The following TACC1 variants were observed in gnomAD, a reference collection of about 807,000 sequenced individuals.
The protein encoded by TACC1 is transforming acidic coiled-coil-containing protein 1.
Under a neutral mutation model 84.4 loss-of-function variants are expected in TACC1, and 48 were observed. The ratio of observed to expected loss-of-function variants is 0.57; its 90% CI spans 0.45 to 0.72. TACC1 has a LOEUF of 0.72. TACC1 is among the 30% of genes least tolerant of loss of function. The pLI is 0.00. For missense variants in TACC1, 920 were observed against 973.0 expected, an observed-to-expected ratio of 0.95 and a Z score of 0.72; for synonymous variants, 372 against 376.3, an observed-to-expected ratio of 0.99 and a Z score of 0.13.
Position 38,836,030 on chromosome 8 carries a change from T to TC in TACC1, c.1714-126dup, listed in dbSNP as rs372800511. The TC allele has an allele frequency of 7.7e-4, 946 of 1,233,204 alleles. 7 individuals are homozygous for TC. The African/African-American group carries it at 0.011, about 14-fold the overall frequency. 76.4% of individuals were successfully genotyped at this position (1,233,204 alleles called of 1,614,324 possible). A position where few individuals can be genotyped will look rare whatever the true frequency, so the allele number is the denominator to read the frequency against. On this transcript the variant is annotated intron_variant, in intron 6 of 12. Coordinates refer to ENST00000317827, the MANE Select transcript of TACC1 (RefSeq NM_006283.3). ...AATTAGATTTGTTTTTTAAAAAGCT[T>TC]CCCCCCGCTGACTTTTCTTTAAACA... is the stretch of plus-strand genomic sequence containing the variant.
At chr8:38,779,292 T>C (rs995536548) in intron 3 of TACC1, among the ~76,000 whole-genome samples, 3 of 152,206 alleles carry the variant, frequency 2.0e-5, no homozygotes, top group Non-Finnish European at 1.5e-5. Context: ...TCTTTTTTTA[T>C]GGTACTTTGG....
At chr8:38,815,468 G>A (rs1825215045) in intron 2 of TACC1, among the ~76,000 whole-genome samples, 2 of 152,224 alleles carry the variant, frequency 1.3e-5, no homozygotes, top group South Asian at 4.1e-4. Flanking sequence ...TGCCCAGACT[G>A]GAGTGCAGTG....
chr8:38,790,812 C>CT (rs1272270986), intron 2 of TACC1, among the ~76,000 whole-genome samples: 6 of 152,190 alleles, frequency 3.9e-5, no homozygotes, highest in Non-Finnish European at 7.3e-5. Flanking sequence ...ATACCCTCAA[C>CT]TTGCCCTAGG....
At chr8:38,810,713 G>A (rs1823885120) in intron 2 of TACC1, among the ~76,000 whole-genome samples, 1 of 152,210 alleles carries the variant, frequency 6.6e-6, no homozygotes, top group South Asian at 2.1e-4. Flanking sequence ...TATTCAGTGT[G>A]AATTACGATG....
upstream of TACC1, among the ~76,000 whole-genome samples, chr8:38,786,897 G>T (rs2151974648): frequency 6.6e-6 from 1 of 152,122 alleles, no homozygotes; most frequent in East Asian, 1.9e-4. Context: ...AGTCACAGTG[G>T]CAAGATGAAA....
chr8:38,847,717 G>A (rs1832582477), intron 12 of TACC1, among the ~76,000 whole-genome samples: 1 of 152,208 alleles, frequency 6.6e-6, no homozygotes, highest in South Asian at 2.1e-4. Context: ...TCATGGACAA[G>A]TTTCAGAGGG....
At chr8:38,788,873 A>C in intron 2 of TACC1, 54 bp downstream of exon 2, 1 of 1,404,180 alleles carries the variant, frequency 7.1e-7, no homozygotes, top group Non-Finnish European at 9.8e-7. Context: ...GTTTTGAAAA[A>C]TATCAATGAA....
chr8:38,769,666 A>T (rs371915538), intron 3 of TACC1, among the ~76,000 whole-genome samples: 96 of 101,180 alleles, frequency 9.5e-4, no homozygotes, highest in African/African-American at 3.8e-3. Context: ...TGAGAGAGAG[A>T]CTGGGTATGG....
At chr8:38,821,171 C>G (rs879599999) in intron 3 of TACC1, among the ~76,000 whole-genome samples, 3 of 151,676 alleles carry the variant, frequency 2.0e-5, no homozygotes, top group Admixed American at 2.0e-4. Flanking sequence ...CGCCGCTGCT[C>G]TCCAGCCTGG....
chr8:38,771,802 C>A (rs953359386), intron 3 of TACC1, among the ~76,000 whole-genome samples: 1 of 152,166 alleles, frequency 6.6e-6, no homozygotes, highest in Non-Finnish European at 1.5e-5. Context: ...GTGGTGCAAT[C>A]ATAGCTCACT....
At chr8:38,786,053 T>C (rs1042880372), upstream of TACC1, 4 of 152,094 alleles carry the variant, frequency 2.6e-5, no homozygotes, top group African/African-American at 7.2e-5. Flanking sequence ...GAGGCAACGG[T>C]TAGTCTCTTG....
At position 38,815,008 on chromosome 8, in the gene TACC1, T is replaced by C. The variant is rs140428888; in HGVS notation, c.278-4514T>C. Among the ~76,000 whole-genome samples, 7 of 152,344 alleles carry C rather than the reference T, an allele frequency of 4.6e-5. No homozygotes were observed. In the East Asian group the frequency reaches 1.4e-3, roughly 29 times the overall value. Reference sequence around the variant, plus strand: ...AGTTCTTCCAGTATATCAGTTTGATTTATAGTAAAATGTAGTGTAAAATAG... The same window carrying C: ...AGTTCTTCCAGTATATCAGTTTGATCTATAGTAAAATGTAGTGTAAAATAG... On this transcript the variant is annotated intron_variant, in intron 2 of 12. Coordinates refer to ENST00000317827, the MANE Select transcript of TACC1 (RefSeq NM_006283.3).
chr8:38,736,702 C>CAGAGGGTGAGAG (rs1236005226), intron 1 of TACC1, among the ~76,000 whole-genome samples: 46 of 152,282 alleles, frequency 3.0e-4, no homozygotes, highest in African/African-American at 1.1e-3. Context: ...CAGCCTCTGG[C>CAGAGGGTGAGAG]AGAGGGTGAG....
At chr8:38,764,096 G>A (rs1047938623) in intron 3 of TACC1, among the ~76,000 whole-genome samples, 1 of 151,560 alleles carries the variant, frequency 6.6e-6, no homozygotes, top group Non-Finnish European at 1.5e-5. Context: ...TTTCTTTTTT[G>A]AGACTGAATC....
intron 3 of TACC1, among the ~76,000 whole-genome samples, chr8:38,762,099 G>A (rs1214294058): frequency 6.6e-6 from 1 of 152,158 alleles, no homozygotes; most frequent in Non-Finnish European, 1.5e-5. Flanking sequence ...TCTCTGCAAA[G>A]CATTAAAAAG....
chr8:38,835,437 G>A (rs1046546425), intron 6 of TACC1, among the ~76,000 whole-genome samples: 6 of 152,196 alleles, frequency 3.9e-5, no homozygotes, highest in East Asian at 1.9e-4. Flanking sequence ...CTCAGAGGGC[G>A]AAGTGCTGCC....
intron 1 of TACC1, among the ~76,000 whole-genome samples, chr8:38,729,694 C>A (rs1323422990): frequency 3.9e-5 from 6 of 151,956 alleles, no homozygotes; most frequent in Non-Finnish European, 7.4e-5. Context: ...TATGGTGGAA[C>A]CCTATCTCTA....
chr8:38,838,995 C>G (rs1022098479), intron 8 of TACC1, among the ~76,000 whole-genome samples: 10 of 151,898 alleles, frequency 6.6e-5, no homozygotes, highest in African/African-American at 2.2e-4. Context: ...CTCCTGGGAT[C>G]AACTGATCCT....
At chr8:38,810,563 C>T (rs918649663) in intron 2 of TACC1, among the ~76,000 whole-genome samples, 6 of 151,694 alleles carry the variant, frequency 4.0e-5, no homozygotes, top group East Asian at 1.9e-4. Context: ...ACGAGTGCTC[C>T]GTTGTACTCT....
Sources: allele counts gnomAD v4.1 joint callset (sites outside exome capture counted in the v4.1 genomes callset), GRCh38; gene constraint gnomAD v4.1.1; transcripts MANE v1.5; gene names NCBI Gene and HGNC (gene_info 2026-07-23, HGNC 2026-07-21).